Variants in CNGA1 observed in about 807,000 individuals in gnomAD.
CNGA1 encodes the protein cyclic nucleotide gated channel subunit alpha 1.
CNGA1 carries 53 observed loss-of-function variants against 69.7 expected under a neutral mutation model. The ratio of observed to expected loss-of-function variants is 0.76; its 90% CI spans 0.61 to 0.96. The LOEUF (loss-of-function observed/expected upper bound fraction) is 0.96. CNGA1 is among the 40% of genes least tolerant of loss of function. The pLI is 0.00. For missense variants in CNGA1, 739 were observed against 811.2 expected (o/e 0.91, Z 1.08); for synonymous variants, 249 against 283.5 (o/e 0.88, Z 1.22).
chr4:47,997,536 G>C lies in CNGA1; in HGVS notation c.-123+13258C>G, dbSNP rs537309857. 1.1e-4 allele frequency among the ~76,000 whole-genome samples: 16 copies of C among 151,994 alleles called. No individual in the cohort carries two copies. The South Asian group carries it at 2.9e-3, about 28-fold the overall frequency. ...CTGGTTAGGTCTGTTGATGGGTCAG[G>C]GGTACTCATATTAGTAATAAAATAG... On this transcript the variant is annotated intron_variant, in intron 2 of 10. Transcript: ENST00000514170.
intron 6 of CNGA1, 43 bp downstream of exon 6, chr4:47,949,790 C>T: frequency 6.6e-7 from 1 of 1,524,912 alleles, no homozygotes; most frequent in Non-Finnish European, 9.1e-7. Flanking sequence ...TACTGGTTTT[C>T]TTTAAAACCA....
rs1292348303 is a variant in CNGA1 at position 47,990,984 on chromosome 4, T to C, written c.-122-9484A>G. ...CATGAATGTCATTAATTCATTCCTT[T>C]TTATGGTTGAGTAGTATTCCATTAT... On this transcript the variant is annotated intron_variant, in intron 2 of 10. Coordinates refer to ENST00000514170, the MANE Select transcript of CNGA1 (RefSeq NM_001379270.1). Among the ~76,000 whole-genome samples the C allele has an allele frequency of 2.6e-5, 4 of 152,204 alleles. No individual in the cohort carries two copies. The East Asian group carries it at 7.7e-4, about 29-fold the overall frequency.
At chr4:47,958,038 G>C (rs1041101002) in intron 3 of CNGA1, among the ~76,000 whole-genome samples, 2 of 151,762 alleles carry the variant, frequency 1.3e-5, no homozygotes, top group Admixed American at 6.6e-5. Flanking sequence ...GGGACTACAG[G>C]TGCGTGCCAC....
At chr4:47,990,484 T>C (rs943670134) in intron 2 of CNGA1, among the ~76,000 whole-genome samples, 1 of 152,112 alleles carries the variant, frequency 6.6e-6, no homozygotes, top group Non-Finnish European at 1.5e-5. Flanking sequence ...CGAACCCTGT[T>C]TCCTGTTAAG....
chr4:47,962,153 G>A (rs1312347986), intron 3 of CNGA1, among the ~76,000 whole-genome samples: 4 of 152,100 alleles, frequency 2.6e-5, no homozygotes, highest in Admixed American at 2.6e-4. Flanking sequence ...AGACCATCCT[G>A]GCCAACATAG....
chr4:47,952,692 A>C lies in CNGA1; in HGVS notation c.-3T>G, dbSNP rs1447744010. The C allele has an allele frequency of 1.3e-6, 2 of 1,587,376 alleles. No individual in the cohort carries two copies. The highest frequency in any genetic ancestry group is 3.4e-5 in the Admixed American group (2 of 58,388). On this transcript the variant is annotated 5_prime_UTR_variant, in exon 4 of 11. Coordinates refer to ENST00000514170, the MANE Select transcript of CNGA1 (RefSeq NM_001379270.1). ...GTATTGATAATATTGTTCTTCATGG[A>C]TAGTTTCATATCTGAGGAGAAAGAA...
chr4:47,954,941 T>A (rs1192996240), intron 3 of CNGA1, among the ~76,000 whole-genome samples: 3 of 152,240 alleles, frequency 2.0e-5, no homozygotes, highest in Non-Finnish European at 4.4e-5. Context: ...ACAGGGCTGC[T>A]ATGTAAAGGT....
At chr4:47,981,876 G>C (rs1296531659) in intron 2 of CNGA1, among the ~76,000 whole-genome samples, 1 of 152,094 alleles carries the variant, frequency 6.6e-6, no homozygotes, top group Non-Finnish European at 1.5e-5. Context: ...TTTTTACAAA[G>C]TATAATTACA....
intron 2 of CNGA1, among the ~76,000 whole-genome samples, chr4:48,007,358 C>T (rs1163570942): frequency 6.6e-6 from 1 of 152,146 alleles, no homozygotes; most frequent in Non-Finnish European, 1.5e-5. Context: ...AGAAATTGAA[C>T]TTATTTTATC....
intron 3 of CNGA1, among the ~76,000 whole-genome samples, chr4:47,968,265 C>G (rs1480531115): frequency 2.0e-5 from 3 of 151,988 alleles, no homozygotes; most frequent in Non-Finnish European, 4.4e-5. Flanking sequence ...GATATTTGTA[C>G]AATGTCATAA....
At chr4:47,958,350 C>A (rs903239063) in intron 3 of CNGA1, among the ~76,000 whole-genome samples, 1 of 148,980 alleles carries the variant, frequency 6.7e-6, no homozygotes, top group Non-Finnish European at 1.5e-5. Context: ...TGAGGCCAGG[C>A]GTGGTGGCTC....
chr4:48,010,724 C>T (rs1195309520), intron 2 of CNGA1, 70 bp downstream of exon 2: 1 of 153,596 alleles, frequency 6.5e-6, no homozygotes, highest in African/African-American at 2.4e-5. Flanking sequence ...CGTGCAGGAA[C>T]AATGGCAAGC....
At chr4:48,000,356 CA>C (rs1414323392) in intron 2 of CNGA1, among the ~76,000 whole-genome samples, 1 of 149,970 alleles carries the variant, frequency 6.7e-6, no homozygotes, top group Non-Finnish European at 1.5e-5. Flanking sequence ...AATAAAAGCC[CA>C]ATTACTAACA....
intron 6 of CNGA1, 71 bp from the exon 7 acceptor site, chr4:47,943,483 A>G (rs771862788): frequency 1.0e-6 from 1 of 997,822 alleles, no homozygotes; most frequent in Non-Finnish European, 1.4e-6. Flanking sequence ...TTTTTCATTG[A>G]GCAAAAATCT....
intron 10 of CNGA1, 128 bp downstream of exon 10, chr4:47,940,635 G>T: frequency 1.4e-6 from 1 of 689,720 alleles, no homozygotes; most frequent in Non-Finnish European, 2.6e-6. Flanking sequence ...GCCTTCACCT[G>T]TGCCTTTTTC....
rs528600825 is a variant in CNGA1, at chr4:47,957,479, G to T, written c.-14-4776C>A. Among the ~76,000 whole-genome samples the T allele has an allele frequency of 2.6e-5, 4 of 152,194 alleles. 1 individual carries two copies. The South Asian group carries it at 8.3e-4, about 32-fold the overall frequency. ...AAAATAAGAATAAAATGTTAGCCCA[G>T]AGTGGTGATGTGCACCTGTAGTCCC... is the stretch of plus-strand genomic sequence containing the variant. On this transcript the variant is annotated intron_variant, in intron 3 of 10. Transcript: ENST00000514170.
intron 6 of CNGA1, among the ~76,000 whole-genome samples, chr4:47,948,021 G>A (rs1739510247): frequency 6.6e-6 from 1 of 152,178 alleles, no homozygotes; most frequent in Non-Finnish European, 1.5e-5. Context: ...CACCATGGAA[G>A]GGGCATCAAA....
At chr4:47,989,908 G>A (rs1264046294) in intron 2 of CNGA1, among the ~76,000 whole-genome samples, 1 of 151,644 alleles carries the variant, frequency 6.6e-6, no homozygotes, top group Non-Finnish European at 1.5e-5. Context: ...AACATAAATT[G>A]TGAAGATTTC....
intron 2 of CNGA1, among the ~76,000 whole-genome samples, chr4:48,002,042 C>G (rs1276660114): frequency 6.6e-6 from 1 of 152,076 alleles, no homozygotes; most frequent in East Asian, 1.9e-4. Context: ...TGGGATGGAG[C>G]TAAAGCAGTA....
Sources: allele counts gnomAD v4.1 joint callset (sites outside exome capture counted in the v4.1 genomes callset), GRCh38; gene constraint gnomAD v4.1.1; transcripts MANE v1.5; gene names NCBI Gene and HGNC (gene_info 2026-07-23, HGNC 2026-07-21).